TAS1R3: variants seen among roughly 807,000 people sequenced by gnomAD.
TAS1R3 encodes the protein taste receptor type 1 member 3.
Under a neutral mutation model 46.1 loss-of-function variants are expected in TAS1R3, and 58 were observed. The observed-to-expected ratio is 1.26, with a 90% CI of 1.02 to 1.57. The LOEUF is 1.57. Ranked by LOEUF, TAS1R3 falls within the 40% of genes most tolerant of loss-of-function variation. The probability of loss-of-function intolerance (pLI) is 0.00; values close to 1 mark genes in which losing one functional copy is unlikely to be tolerated. For missense variants in TAS1R3, 1,422 were observed against 1,185.8 expected (o/e 1.20, Z -2.93); for synonymous variants, 724 against 544.7 (o/e 1.33, Z -4.58).
In TAS1R3 at chr1:1,332,775, GC is replaced by G. The variant is rs2100688151; in HGVS notation, c.1248del (p.Ala417ArgfsTer5). 1.2e-6 allele frequency: 2 copies of G among 1,606,188 alleles called. No homozygotes were observed. Among genetic ancestry groups the G allele is most frequent in the East Asian group, 2.2e-5 (1 of 44,836 alleles). On this transcript the variant is annotated frameshift_variant, in exon 3 of 6. Coordinates refer to ENST00000339381, the MANE Select transcript of TAS1R3 (RefSeq NM_152228.3). LOFTEE classifies it high-confidence loss of function. ...ACTCTTCAGTGCAACGCCTCAGGCT[GC>G]CCCGCGCAGGACCCCGTGAAGCCCT... ...HNTLQCNASGCPAQDPVKPWQ... is the reference protein window; with the variant it reads ...HNTLQCNASGXPAQDPVKPWQ...
At position 1,335,144 on chromosome 1, in the gene TAS1R3, C is replaced by A. The variant is rs928898171; in HGVS notation, c.*680C>A. On this transcript the variant is annotated 3_prime_UTR_variant, in exon 6 of 6. Transcript: ENST00000339381. ...ACCAGGATCTGACGCCAGCACGCCGCCAGGCCCACACAGGGTCTCCGGTCA... is the reference window on the plus strand; with the variant it reads ...ACCAGGATCTGACGCCAGCACGCCGACAGGCCCACACAGGGTCTCCGGTCA... 4 of 152,504 alleles carry A rather than the reference C, an allele frequency of 2.6e-5. No individual in the cohort carries two copies. Among genetic ancestry groups the A allele is most frequent in the African/African-American group, 7.2e-5 (3 of 41,448 alleles). 9.4% of individuals were successfully genotyped at this position (152,504 alleles called of 1,614,324 possible).
In TAS1R3 at chr1:1,333,748, G is replaced by C; in HGVS notation, c.1843G>C (p.Gly615Arg). The C allele has an allele frequency of 6.2e-7, 1 of 1,600,998 alleles. No individual in the cohort carries two copies. Among genetic ancestry groups the C allele is most frequent in the Non-Finnish European group, 8.5e-7 (1 of 1,176,010 alleles). ...GGCCTGCTTTGGCCTGGTGTGCCTG[G>C]GCCTGGTCTGCCTCAGCGTCCTCCT... Reference protein sequence around the residue: ...PLACFGLVCLGLVCLSVLLFP... With the variant: ...PLACFGLVCLRLVCLSVLLFP... Residue 615 changes from glycine (G) to arginine (R), a missense_variant, in exon 6 of 6, where the codon GGC (glycine) becomes CGC (arginine). Physicochemically the swap from Gly to Arg is moderately radical, Grantham distance 125 (BLOSUM62 -2). Coordinates refer to ENST00000339381, the MANE Select transcript of TAS1R3 (RefSeq NM_152228.3).
In TAS1R3 at chr1:1,335,174, C is replaced by G. The variant is rs1214000619; in HGVS notation, c.*710C>G. 6.6e-6 allele frequency: 1 copy of G among 152,352 alleles called. No individual in the cohort carries two copies. Among genetic ancestry groups the G allele is most frequent in the East Asian group, 1.9e-4 (1 of 5,204 alleles). The allele number at this position is 152,352 out of a possible 1,614,324, so 9.4% of individuals were successfully genotyped here. On this transcript the variant is annotated 3_prime_UTR_variant, in exon 6 of 6. Transcript: ENST00000339381. Reference sequence around the variant, plus strand: ...CCCACACAGGGTCTCCGGTCAGAGTCCCAGGGTCAGCTCCCAGCAGGGCCT... The same window carrying G: ...CCCACACAGGGTCTCCGGTCAGAGTGCCAGGGTCAGCTCCCAGCAGGGCCT...
chr1:1,331,886 C>CA lies in TAS1R3; in HGVS notation c.441dup (p.Glu148ArgfsTer23), dbSNP rs1643435962. 1.2e-6 allele frequency: 2 copies of CA among 1,612,800 alleles called. No homozygotes were observed. The highest frequency in any genetic ancestry group is 8.5e-7 in the Non-Finnish European group (1 of 1,179,938). On this transcript the variant is annotated frameshift_variant, in exon 2 of 6. Transcript: ENST00000339381. LOFTEE classifies it high-confidence loss of function. The stretch of plus-strand genomic sequence containing the variant: ...CTGGCTGTCATCGGGCCCCACTCGT[C>CA]AGAGCTCGCCATGGTCACCGGCAAG...
rs749450511 is a variant in TAS1R3 at position 1,332,354 on chromosome 1, G to A, written c.823G>A (p.Ala275Thr). ...CAGCGTGCAGGTGGTGCTGCTGTTC[G>A]CCTCCGTGCACGCCGCCCACGCCCT... ...QSSVQVVLLFASVHAAHALFN... is the reference protein window; with the variant it reads ...QSSVQVVLLFTSVHAAHALFN... The change falls in exon 3 of 6, where the codon GCC becomes ACC. Residue 275 changes from alanine (A) to threonine (T), a missense_variant. Physicochemically the swap from Ala to Thr is moderately conservative, Grantham distance 58. Transcript: ENST00000339381. 19 of 1,602,762 alleles carry A rather than the reference G, an allele frequency of 1.2e-5. No homozygotes were observed. The highest frequency in any genetic ancestry group is 6.8e-5 in the Admixed American group (4 of 58,538).
At position 1,334,115 on chromosome 1, in the gene TAS1R3, A is replaced by T. The variant is rs1372564652; in HGVS notation, c.2210A>T (p.Asn737Ile). The change falls in exon 6 of 6, where the codon AAT becomes ATT. Residue 737 changes from asparagine to isoleucine, a missense_variant. Transcript: ENST00000339381. The stretch of plus-strand genomic sequence containing the variant: ...AGCTTCGGCCTAGCGCACGCCACCA[A>T]TGCCACGCTGGCCTTTCTCTGCTTC... Reference protein sequence around the residue: ...WVSFGLAHATNATLAFLCFLG... With the variant: ...WVSFGLAHATIATLAFLCFLG... The T allele has an allele frequency of 6.3e-7, 1 of 1,581,642 alleles. No individual in the cohort carries two copies. Among genetic ancestry groups the T allele is most frequent in the Non-Finnish European group, 8.6e-7 (1 of 1,164,234 alleles).
Position 1,334,327 on chromosome 1 carries a change from GCCTT to G in TAS1R3, c.2425_2428del (p.Phe809ThrfsTer48). ...GCTCTGTGTCCTGGGCATCCTGGCT[GCCTT>G]CCACCTGCCCAGGTGTTACCTGCTC... On this transcript the variant is annotated frameshift_variant, in exon 6 of 6. Coordinates refer to ENST00000339381, the MANE Select transcript of TAS1R3 (RefSeq NM_152228.3). LOFTEE classifies it low-confidence loss of function (END_TRUNC). The G allele has an allele frequency of 6.2e-7, 1 of 1,611,794 alleles. No individual in the cohort carries two copies. Among genetic ancestry groups the G allele is most frequent in the Non-Finnish European group, 8.5e-7 (1 of 1,179,350 alleles).
rs1163713078 is a variant in TAS1R3, at chr1:1,332,232, G to T, written c.701G>T (p.Gly234Val). Reference protein sequence around the residue: ...SIFSALAAARGICIAHEGLVP... With the variant: ...SIFSALAAARVICIAHEGLVP... ...TTCTCGGCCCTGGCCGCGGCACGCG[G>T]CATCTGCATCGCGCACGAGGGCCTG... The change falls in exon 3 of 6, where the codon GGC (glycine) becomes GTC (valine). Residue 234 changes from glycine (G) to valine (V), a missense_variant. Coordinates refer to ENST00000339381, the MANE Select transcript of TAS1R3 (RefSeq NM_152228.3). 12 of 1,593,666 alleles carry T rather than the reference G, an allele frequency of 7.5e-6. No individual in the cohort carries two copies. The highest frequency in any genetic ancestry group is 1.0e-5 in the Non-Finnish European group (12 of 1,175,728).
Position 1,333,494 on chromosome 1 carries a change from C to A in TAS1R3, c.1601-12C>A. 6.2e-7 allele frequency: 1 copy of A among 1,600,254 alleles called. No homozygotes were observed. Reference sequence around the variant, plus strand: ...CAAGACGAACACCCAGCGCCCTTCTCCTCTCTCACAGACGACATCGCCTGC... The same window carrying A: ...CAAGACGAACACCCAGCGCCCTTCTACTCTCTCACAGACGACATCGCCTGC... On this transcript the variant is annotated splice_polypyrimidine_tract_variant and intron_variant, in intron 5 of 5. Coordinates refer to ENST00000339381, the MANE Select transcript of TAS1R3 (RefSeq NM_152228.3).
Position 1,334,759 on chromosome 1 carries a change from C to T in TAS1R3, c.*295C>T. ...GCCCGGAGGGCTCCCAGGGTACCCG[C>T]AACCCACACCGTGAGCTCAGGAAAA... On this transcript the variant is annotated 3_prime_UTR_variant, in exon 6 of 6. Coordinates refer to ENST00000339381, the MANE Select transcript of TAS1R3 (RefSeq NM_152228.3). 2.9e-6 allele frequency: 1 copy of T among 340,440 alleles called. No homozygotes were observed. Among genetic ancestry groups the T allele is most frequent in the Middle Eastern group, 8.0e-4 (1 of 1,244 alleles). The allele number at this position is 340,440 out of a possible 1,614,324, so 21.1% of individuals were successfully genotyped here.
rs1643494541 is a variant in TAS1R3 at position 1,333,956 on chromosome 1, T to C, written c.2051T>C (p.Val684Ala). 3.1e-6 allele frequency: 5 copies of C among 1,600,452 alleles called. No individual in the cohort carries two copies. Among genetic ancestry groups the C allele is most frequent in the Non-Finnish European group, 4.2e-6 (5 of 1,179,546 alleles). Residue 684 changes from valine to alanine, a missense_variant, in exon 6 of 6, where the codon GTG (valine) becomes GCG (alanine). Coordinates refer to ENST00000339381, the MANE Select transcript of TAS1R3 (RefSeq NM_152228.3). ...GCLRGPWAWL[V>A]VLLAMLVEVA... Reference sequence around the variant, plus strand: ...CTGCGGGGGCCCTGGGCCTGGCTGGTGGTGCTGCTGGCCATGCTGGTGGAG... The same window carrying C: ...CTGCGGGGGCCCTGGGCCTGGCTGGCGGTGCTGCTGGCCATGCTGGTGGAG...
rs1643499719 is a variant in TAS1R3, at chr1:1,334,132, C to G, written c.2227C>G (p.Leu743Val). ...CGCCACCAATGCCACGCTGGCCTTTCTCTGCTTCCTGGGCACTTTCCTGGT... is the reference window on the plus strand; with the variant it reads ...CGCCACCAATGCCACGCTGGCCTTTGTCTGCTTCCTGGGCACTTTCCTGGT... ...AHATNATLAF[L>V]CFLGTFLVRS... is the part of the protein sequence containing the mutation. Residue 743 changes from leucine (L) to valine (V), a missense_variant, in exon 6 of 6, where the codon CTC becomes GTC. Physicochemically the swap from Leu to Val is conservative, Grantham distance 32. Coordinates refer to ENST00000339381, the MANE Select transcript of TAS1R3 (RefSeq NM_152228.3). The G allele has an allele frequency of 3.8e-6, 6 of 1,581,324 alleles. No homozygotes were observed. In the South Asian group the frequency reaches 4.5e-5, roughly 12 times the overall value.
rs1248007747 is a variant in TAS1R3, at chr1:1,332,012, T to A, written c.493-12T>A. On this transcript the variant is annotated splice_polypyrimidine_tract_variant and intron_variant, in intron 2 of 5. Transcript: ENST00000339381. ...AGCCCCTGTGTCAGGAGATGCCTCT[T>A]GGCCCTTGCAGGTCAGCTACGGTGC... The A allele has an allele frequency of 6.2e-7, 1 of 1,602,786 alleles. No individual in the cohort carries two copies.
chr1:1,332,291 G>C lies in TAS1R3; in HGVS notation c.760G>C (p.Gly254Arg), dbSNP rs1230729647. The C allele has an allele frequency of 6.2e-7, 1 of 1,605,168 alleles. No individual in the cohort carries two copies. Among genetic ancestry groups the C allele is most frequent in the Admixed American group, 1.7e-5 (1 of 59,718 alleles). The change falls in exon 3 of 6, where the codon GGG (glycine) becomes CGG (arginine). Residue 254 changes from glycine to arginine, a missense_variant. Gly to Arg is a moderately radical substitution (Grantham distance 125). Transcript: ENST00000339381. ...GCCCCGTGCCGATGACTCGCGGCTG[G>C]GGAAGGTGCAGGACGTCCTGCACCA... The part of the protein sequence containing the change: ...PLPRADDSRL[G>R]KVQDVLHQVN...
Position 1,333,763 on chromosome 1 carries a change from A to G in TAS1R3, c.1858A>G (p.Ser620Gly), listed in dbSNP as rs1331426878. ...GGTGTGCCTGGGCCTGGTCTGCCTC[A>G]GCGTCCTCCTGTTCCCTGGCCAGCC... ...GLVCLGLVCLSVLLFPGQPSP... is the reference protein window; with the variant it reads ...GLVCLGLVCLGVLLFPGQPSP... Residue 620 changes from serine to glycine, a missense_variant, in exon 6 of 6, where the codon AGC becomes GGC. Transcript: ENST00000339381. The G allele has an allele frequency of 1.9e-6, 3 of 1,596,730 alleles. No homozygotes were observed. Among genetic ancestry groups the G allele is most frequent in the Non-Finnish European group, 2.6e-6 (3 of 1,174,712 alleles).
In TAS1R3 at chr1:1,333,092, C is replaced by T; in HGVS notation, c.1447C>T (p.Leu483=). 1 of 1,612,356 alleles carries T rather than the reference C, an allele frequency of 6.2e-7. No homozygotes were observed. Among genetic ancestry groups the T allele is most frequent in the East Asian group, 2.2e-5 (1 of 44,866 alleles). ...CAACGGCAGCCTCAGGACAGAGCGC[C>T]TGAAGATCCGCTGGCACACGTCTGA... is the stretch of plus-strand genomic sequence containing the variant. ...RFNGSLRTER[L]KIRWHTSDNQ... Residue 483 remains leucine, a synonymous_variant, in exon 4 of 6, where the codon CTG becomes TTG. Transcript: ENST00000339381.
chr1:1,334,622 G>C lies in TAS1R3; in HGVS notation c.*158G>C. 1 of 804,316 alleles carries C rather than the reference G, an allele frequency of 1.2e-6. No homozygotes were observed. The highest frequency in any genetic ancestry group is 1.9e-6 in the Non-Finnish European group (1 of 525,862). 49.8% of individuals were successfully genotyped at this position (804,316 alleles called of 1,614,324 possible). A position where few individuals can be genotyped will look rare whatever the true frequency, so the allele number is the denominator to read the frequency against. Reference sequence around the variant, plus strand: ...CCCCACAGTGAGCCCTAGGCCTGGAGCACGTGGACACCCCTGTGACCATCT... The same window carrying C: ...CCCCACAGTGAGCCCTAGGCCTGGACCACGTGGACACCCCTGTGACCATCT... On this transcript the variant is annotated 3_prime_UTR_variant, in exon 6 of 6. Transcript: ENST00000339381.
chr1:1,333,344 TGGACTGCGAGGC>T lies in TAS1R3; in HGVS notation c.1568_1579del (p.Asp523_Ala526del). The T allele has an allele frequency of 1.2e-6, 2 of 1,609,848 alleles. No individual in the cohort carries two copies. Among genetic ancestry groups the T allele is most frequent in the Non-Finnish European group, 1.7e-6 (2 of 1,178,774 alleles). The stretch of plus-strand genomic sequence containing the variant: ...TTCCACTCCTGCTGCTACGACTGTG[TGGACTGCGAGGC>T]GGGCAGCTACCGGCAAAACCCAGGT... On this transcript the variant is annotated inframe_deletion, in exon 5 of 6. Coordinates refer to ENST00000339381, the MANE Select transcript of TAS1R3 (RefSeq NM_152228.3).
chr1:1,333,048 TCCA>T lies in TAS1R3; in HGVS notation c.1405_1407del (p.His469del). 2 of 1,612,680 alleles carry T rather than the reference TCCA, an allele frequency of 1.2e-6. No individual in the cohort carries two copies. The highest frequency in any genetic ancestry group is 1.7e-6 in the Non-Finnish European group (2 of 1,179,900). On this transcript the variant is annotated inframe_deletion, in exon 4 of 6. Transcript: ENST00000339381. ...GTGTGGCAGGGCTCAGTGCCCAGGC[TCCA>T]CGACGTGGGCAGGTTCAACGGCAGC...
Sources: gnomAD v4.1 joint callset for allele counts on GRCh38, gnomAD v4.1.1 for gene constraint, MANE v1.5 for transcripts, NCBI Gene and HGNC (gene_info 2026-07-23, HGNC 2026-07-21) for gene names.